Variants in NIPAL2 observed in about 807,000 individuals in gnomAD.
NIPAL2 encodes NIPA like domain containing 2.
In NIPAL2, 43 loss-of-function variants were observed where a neutral mutation model predicts 48.9. The ratio of observed to expected loss-of-function variants is 0.88; its 90% CI spans 0.69 to 1.13. The LOEUF (loss-of-function observed/expected upper bound fraction) is 1.13. Among genes scored for constraint, NIPAL2 ranks in the 50% most tolerant of loss-of-function variants. The probability of loss-of-function intolerance (pLI) is 0.00; values close to 1 mark genes in which losing one functional copy is unlikely to be tolerated. For synonymous variants in NIPAL2, 167 were observed against 174.6 expected (o/e 0.96, Z 0.34); for missense variants, 446 against 461.4 (o/e 0.97, Z 0.31).
intron 1 of NIPAL2, among the ~76,000 whole-genome samples, chr8:98,275,961 G>C (rs1353207790): frequency 6.6e-6 from 1 of 151,998 alleles, no homozygotes; most frequent in East Asian, 1.9e-4. Flanking sequence ...AGCAGTTTTA[G>C]GTTCACAGCA....
chr8:98,212,346 C>T (rs557686438), intron 6 of NIPAL2, 59 bp downstream of exon 6: 2 of 906,138 alleles, frequency 2.2e-6, no homozygotes, highest in South Asian at 1.5e-5. Flanking sequence ...TTCCTTCAAA[C>T]CTCATTTATG....
intron 1 of NIPAL2, among the ~76,000 whole-genome samples, chr8:98,270,519 A>G (rs1039798917): frequency 3.9e-5 from 6 of 152,092 alleles, no homozygotes; most frequent in Non-Finnish European, 8.8e-5. Flanking sequence ...TCACTTTTCA[A>G]TGGGATTATT....
chr8:98,214,350 G>A (rs990634111), intron 5 of NIPAL2, among the ~76,000 whole-genome samples: 6 of 152,034 alleles, frequency 3.9e-5, no homozygotes, highest in African/African-American at 1.4e-4. Context: ...TTTTAGTAGA[G>A]ACAGGGTTTT....
At chr8:98,235,754 C>A (rs1157118478) in intron 4 of NIPAL2, among the ~76,000 whole-genome samples, 3 of 151,364 alleles carry the variant, frequency 2.0e-5, no homozygotes, top group East Asian at 3.9e-4. Context: ...AGAAGGGAGG[C>A]ATTGTTTTAT....
rs372513651 is a variant in NIPAL2, at chr8:98,193,054, T to G, written c.1076A>C (p.His359Pro). 37 of 1,614,110 alleles carry G rather than the reference T, an allele frequency of 2.3e-5. No homozygotes were observed. Among genetic ancestry groups the G allele is most frequent in the Non-Finnish European group, 3.1e-5 (36 of 1,179,968 alleles). The stretch of plus-strand genomic sequence containing the variant: ...AGGCAAAGTTCCATAGGATAAGCTA[T>G]GTGAATCTGGTTGTATTTTGTCCAA... Reference protein sequence around the residue: ...QMLDKIQPDSHSLSYGTLPDG... With the variant: ...QMLDKIQPDSPSLSYGTLPDG... Residue 359 changes from histidine to proline, a missense_variant, in exon 11 of 11, where the codon CAT (histidine) becomes CCT (proline). Physicochemically the swap from His to Pro is moderately conservative, Grantham distance 77. Coordinates refer to ENST00000430223, the MANE Select transcript of NIPAL2 (RefSeq NM_001321635.2).
chr8:98,290,288 A>G (rs1816424381), intron 1 of NIPAL2, among the ~76,000 whole-genome samples: 3 of 152,230 alleles, frequency 2.0e-5, no homozygotes, highest in South Asian at 4.1e-4. Context: ...TGACTTTAAA[A>G]TCCAAGCCAT....
rs114948032 is a variant in NIPAL2 at position 98,233,838 on chromosome 8, T to G, written c.436+2317A>C. Among the ~76,000 whole-genome samples the G allele has an allele frequency of 6.4e-3, 979 of 152,352 alleles. 13 individuals carry two copies. Among genetic ancestry groups the G allele is most frequent in the African/African-American group, 0.022 (897 of 41,578 alleles). ...ATGAAATAGAAACTTACTTTACCTT[T>G]TTGTATCTTTGTTAACATTTCTCAT... On this transcript the variant is annotated intron_variant, in intron 4 of 10. Transcript: ENST00000430223.
chr8:98,243,022 G>C (rs927810258), intron 3 of NIPAL2, among the ~76,000 whole-genome samples: 1 of 152,170 alleles, frequency 6.6e-6, no homozygotes, highest in Non-Finnish European at 1.5e-5. Context: ...AGTCATGGGG[G>C]GCAGGGCGGA....
rs1173403480 is a variant in NIPAL2, at chr8:98,212,566, C to T, written c.559-65G>A. 4.8e-6 allele frequency: 4 copies of T among 828,030 alleles called. No individual in the cohort carries two copies. The African/African-American group carries it at 6.8e-5, about 14-fold the overall frequency. 51.3% of individuals were successfully genotyped at this position (828,030 alleles called of 1,614,324 possible). ...GCAAAGTCTTCAAAATGTCACACTT[C>T]TCATTTTGATTTTGCAGCAATTCTC... On this transcript the variant is annotated intron_variant, in intron 5 of 10. Coordinates refer to ENST00000430223, the MANE Select transcript of NIPAL2 (RefSeq NM_001321635.2).
At position 98,251,164 on chromosome 8, in the gene NIPAL2, A is replaced by G. The variant is rs75978959; in HGVS notation, c.376+1299T>C. On this transcript the variant is annotated intron_variant, in intron 3 of 10. Transcript: ENST00000430223. ...TTATCTATCTAATATGCCTGGACACATTTTTCTCTGGCTATTTCATGGAAA... is the reference window on the plus strand; with the variant it reads ...TTATCTATCTAATATGCCTGGACACGTTTTTCTCTGGCTATTTCATGGAAA... Among the ~76,000 whole-genome samples the G allele has an allele frequency of 9.1e-3, 1,374 of 151,440 alleles. 28 individuals carry two copies. Among genetic ancestry groups the G allele is most frequent in the African/African-American group, 0.032 (1,319 of 41,234 alleles).
Position 98,293,854 on chromosome 8 carries a change from G to T in NIPAL2, c.135+149C>A, listed in dbSNP as rs980473217. 5.4e-6 allele frequency: 4 copies of T among 738,382 alleles called. No homozygotes were observed. In the Admixed American group the frequency reaches 1.3e-4, roughly 24 times the overall value. 45.7% of individuals were successfully genotyped at this position (738,382 alleles called of 1,614,324 possible). On this transcript the variant is annotated intron_variant, in intron 1 of 10. Coordinates refer to ENST00000430223, the MANE Select transcript of NIPAL2 (RefSeq NM_001321635.2). ...ATGAGGCGGACTTAGGTCAATGCGG[G>T]AAACATTGCATGTCACCTCTTCCCA...
chr8:98,213,968 T>C (rs1353961313), intron 5 of NIPAL2, among the ~76,000 whole-genome samples: 2 of 152,186 alleles, frequency 1.3e-5, no homozygotes, highest in Non-Finnish European at 2.9e-5. Context: ...GTGCCTGGCA[T>C]ACAGTCGGTC....
At chr8:98,200,568 T>C (rs12680980) in intron 8 of NIPAL2, among the ~76,000 whole-genome samples, 56,952 of 152,088 alleles carry the variant, frequency 0.37, 10,843 homozygotes, top group South Asian at 0.51. Context: ...CTTCTGTCTA[T>C]TGTGAATAAT....
chr8:98,200,644 G>A (rs62522245), intron 8 of NIPAL2, among the ~76,000 whole-genome samples: 10,290 of 152,208 alleles, frequency 0.068, 460 homozygotes, highest in East Asian at 0.13. Flanking sequence ...TTGCCTAGAA[G>A]TGAAATTACT....
intron 1 of NIPAL2, among the ~76,000 whole-genome samples, chr8:98,260,788 A>G (rs910978915): frequency 8.5e-5 from 13 of 152,254 alleles, no homozygotes; most frequent in African/African-American, 2.9e-4. Context: ...CAGCACAAGG[A>G]TGCCTGCCTG....
At chr8:98,257,645 A>C (rs1382948269) in intron 1 of NIPAL2, among the ~76,000 whole-genome samples, 1 of 152,108 alleles carries the variant, frequency 6.6e-6, no homozygotes, top group Non-Finnish European at 1.5e-5. Flanking sequence ...ATCCTTTTCC[A>C]GGTCTTTTCC....
chr8:98,292,886 G>T (rs1021905360), intron 1 of NIPAL2, among the ~76,000 whole-genome samples: 1 of 151,962 alleles, frequency 6.6e-6, no homozygotes, highest in Non-Finnish European at 1.5e-5. Flanking sequence ...GGAGAAATGG[G>T]GTTGGATTAC....
chr8:98,282,207 A>C (rs1335422373), intron 1 of NIPAL2, among the ~76,000 whole-genome samples: 1 of 152,200 alleles, frequency 6.6e-6, no homozygotes, highest in Non-Finnish European at 1.5e-5. Context: ...AAGGTGCAGC[A>C]AACAAGGGGC....
intron 1 of NIPAL2, among the ~76,000 whole-genome samples, chr8:98,281,460 T>A (rs1292317532): frequency 6.6e-6 from 1 of 152,138 alleles, no homozygotes; most frequent in Non-Finnish European, 1.5e-5. Context: ...AATAATAACT[T>A]AAATGTGCCT....
Sources: gnomAD v4.1 joint callset for allele counts (sites outside exome capture counted in the v4.1 genomes callset) on GRCh38, gnomAD v4.1.1 for gene constraint, MANE v1.5 for transcripts, NCBI Gene and HGNC (gene_info 2026-07-23, HGNC 2026-07-21) for gene names.